The following RAB4B variants were observed in gnomAD, a reference collection of about 807,000 sequenced individuals.
The protein encoded by RAB4B is ras-related protein Rab-4B.
RAB4B carries 15 observed loss-of-function variants against 28.3 expected under a neutral mutation model. The observed-to-expected ratio is 0.53, with a 90% CI of 0.35 to 0.82. The LOEUF is 0.82. Among genes scored for constraint, RAB4B ranks in the 40% least tolerant of loss-of-function variants. The probability of loss-of-function intolerance (pLI) is 0.01; values close to 1 mark genes in which losing one functional copy is unlikely to be tolerated. For missense variants in RAB4B, 244 were observed against 288.5 expected, an observed-to-expected ratio of 0.85 and a Z score of 1.12; for synonymous variants, 108 against 116.3, an observed-to-expected ratio of 0.93 and a Z score of 0.46.
At chr19:40,785,402 T>G (rs1376221448) in intron 5 of RAB4B, 3 of 147,510 alleles carry the variant, frequency 2.0e-5, no homozygotes, top group Non-Finnish European at 4.5e-5. Context: ...TCTGGGGTAC[T>G]CAGGAGGTTG....
intron 7 of RAB4B, among the ~76,000 whole-genome samples, chr19:40,789,005 C>T (rs113557544): frequency 0.032 from 4,919 of 151,882 alleles, 106 homozygotes; most frequent in African/African-American, 0.055. Flanking sequence ...TGGTCTCGAT[C>T]TCTTGACCTT....
At position 40,786,747 on chromosome 19, in the gene RAB4B, C is replaced by T. The variant is rs1164597963; in HGVS notation, c.513C>T (p.Asn171=). The part of the protein sequence containing the change: ...AFLKCARTIL[N]KIDSGELDPE... ...TCAAGTGTGCCCGCACTATCCTCAA[C>T]AAGATTGACTCAGGTGAGGCCCCGA... Residue 171 remains asparagine (N), a synonymous_variant, in exon 6 of 8, where the codon AAC becomes AAT. Coordinates refer to ENST00000357052, the MANE Select transcript of RAB4B (RefSeq NM_016154.5). 2.5e-6 allele frequency: 4 copies of T among 1,614,014 alleles called. No individual in the cohort carries two copies. The African/African-American group carries it at 4.0e-5, about 16-fold the overall frequency.
In RAB4B at chr19:40,780,434, G is replaced by A; in HGVS notation, c.147G>A (p.Val49=). 6.2e-7 allele frequency: 1 copy of A among 1,613,652 alleles called. No homozygotes were observed. Among genetic ancestry groups the A allele is most frequent in the Non-Finnish European group, 8.5e-7 (1 of 1,179,842 alleles). The change falls in exon 3 of 8, where the codon GTG becomes GTA. Residue 49 remains valine, a synonymous_variant. Transcript: ENST00000357052. ...HTIGVEFGSR[V]VNVGGKTVKL... ...TCGGCGTGGAGTTTGGATCCCGGGTGGTCAACGTGGGTGGGAAGACTGTGA... is the reference window on the plus strand; with the variant it reads ...TCGGCGTGGAGTTTGGATCCCGGGTAGTCAACGTGGGTGGGAAGACTGTGA...
intron 5 of RAB4B, 80 bp from the exon 6 acceptor site, chr19:40,786,585 G>A (rs766645041): frequency 6.3e-7 from 1 of 1,585,178 alleles, no homozygotes; most frequent in Non-Finnish European, 8.6e-7. Context: ...TGGAGGAACA[G>A]GATGAGAGTC....
intron 7 of RAB4B, among the ~76,000 whole-genome samples, chr19:40,788,467 C>T (rs2083123466): frequency 8.6e-6 from 1 of 116,630 alleles, no homozygotes; most frequent in African/African-American, 3.5e-5. Flanking sequence ...GCCTGGGTGA[C>T]AGAGCGAGAC....
At chr19:40,782,810 CTCAA>C (rs1477624889) in intron 3 of RAB4B, among the ~76,000 whole-genome samples, 5 of 125,006 alleles carry the variant, frequency 4.0e-5, no homozygotes, top group African/African-American at 1.4e-4. Context: ...AAAACTCCAT[CTCAA>C]TCAGTCAATC....
At chr19:40,780,335 A>C (rs1314144603) in intron 2 of RAB4B, 50 bp from the exon 3 acceptor site, 1 of 1,524,438 alleles carries the variant, frequency 6.6e-7, no homozygotes, top group South Asian at 1.2e-5. Flanking sequence ...GGATCCTCTG[A>C]GCTGTCTCCT....
chr19:40,786,723 C>A lies in RAB4B; in HGVS notation c.489C>A (p.Leu163=), dbSNP rs1337938487. 26 of 1,613,992 alleles carry A rather than the reference C, an allele frequency of 1.6e-5. No homozygotes were observed. Among genetic ancestry groups the A allele is most frequent in the Non-Finnish European group, 2.0e-5 (24 of 1,180,006 alleles). The change falls in exon 6 of 8, where the codon CTC becomes CTA. Residue 163 remains leucine, a synonymous_variant. Coordinates refer to ENST00000357052, the MANE Select transcript of RAB4B (RefSeq NM_016154.5). ...LTGENVEEAF[L]KCARTILNKI... is the part of the protein sequence containing the mutation. ...GCGAGAACGTGGAGGAGGCGTTCCT[C>A]AAGTGTGCCCGCACTATCCTCAACA...
At chr19:40,783,063 G>A (rs111433826) in intron 3 of RAB4B, among the ~76,000 whole-genome samples, 2,109 of 150,116 alleles carry the variant, frequency 0.014, 65 homozygotes, top group African/African-American at 0.049. Context: ...ACTTGAACCC[G>A]GGAGGTGGAG....
rs2083184506 is a variant in RAB4B, at chr19:40,793,950, A to AAAACC, written c.*16-2616_*16-2612dup. 2.0e-5 allele frequency among the ~76,000 whole-genome samples: 3 copies of AAAACC among 151,706 alleles called. No individual in the cohort carries two copies. In the South Asian group the frequency reaches 6.2e-4, roughly 32 times the overall value. On this transcript the variant is annotated intron_variant, in intron 7 of 7. Transcript: ENST00000357052. Reference sequence around the variant, plus strand: ...CAAAAACAAAAACAAACAAACCAAAAAAACCAAAACAAAACAAAAAAACTC... The same window carrying AAAACC: ...CAAAAACAAAAACAAACAAACCAAAAAAACCAAACCAAAACAAAACAAAAAAACTC...
chr19:40,779,880 A>AT (rs2083030702), intron 1 of RAB4B, 139 bp from the exon 2 acceptor site: 1 of 1,537,872 alleles, frequency 6.5e-7, no homozygotes, highest in Non-Finnish European at 8.8e-7. Flanking sequence ...ACTGTTACCT[A>AT]TTGGTTTGTT....
chr19:40,784,859 G>C (rs986138271), intron 5 of RAB4B, among the ~76,000 whole-genome samples: 3 of 141,334 alleles, frequency 2.1e-5, no homozygotes, highest in African/African-American at 7.9e-5. Flanking sequence ...TTTTTTTTCT[G>C]AGACGGAGTC....
chr19:40,779,744 CAAAA>C (rs1211800143), intron 1 of RAB4B: 13 of 704,338 alleles, frequency 1.8e-5, no homozygotes, highest in Non-Finnish European at 2.4e-5. Flanking sequence ...AACTCTGTCT[CAAAA>C]AAACAAAAAC....
chr19:40,795,308 A>T (rs969545744), intron 7 of RAB4B, among the ~76,000 whole-genome samples: 2 of 151,992 alleles, frequency 1.3e-5, no homozygotes, highest in Non-Finnish European at 2.9e-5. Context: ...GTGAAATGAG[A>T]CTTAGAGCCA....
intron 3 of RAB4B, among the ~76,000 whole-genome samples, chr19:40,781,894 G>A (rs546831364): frequency 5.3e-5 from 8 of 152,066 alleles, no homozygotes; most frequent in Admixed American, 2.6e-4. Flanking sequence ...GGTGGCAGAC[G>A]CTGGAAGTCC....
Position 40,780,411 on chromosome 19 carries a change from G to A in RAB4B, c.124G>A (p.Gly42Ser), listed in dbSNP as rs776207470. 5.6e-6 allele frequency: 9 copies of A among 1,612,252 alleles called. No homozygotes were observed. In the Admixed American group the frequency reaches 1.2e-4, roughly 21 times the overall value. Residue 42 changes from glycine to serine, a missense_variant, in exon 3 of 8, where the codon GGC (glycine) becomes AGC (serine). Transcript: ENST00000357052. Reference protein sequence around the residue: ...KFKQDSNHTIGVEFGSRVVNV... With the variant: ...KFKQDSNHTISVEFGSRVVNV... Reference sequence around the variant, plus strand: ...CAAACAGGACTCCAACCACACAATCGGCGTGGAGTTTGGATCCCGGGTGGT... The same window carrying A: ...CAAACAGGACTCCAACCACACAATCAGCGTGGAGTTTGGATCCCGGGTGGT...
intron 7 of RAB4B, among the ~76,000 whole-genome samples, chr19:40,795,867 C>T (rs1290568944): frequency 6.6e-6 from 1 of 152,018 alleles, no homozygotes; most frequent in Non-Finnish European, 1.5e-5. Flanking sequence ...GCCACCACAC[C>T]TGGCTAATTT....
rs910086467 is a variant in RAB4B, at chr19:40,786,759, A to T, written c.525A>T (p.Ser175=). The part of the protein sequence containing the change: ...CARTILNKID[S]GELDPERMGS... Reference sequence around the variant, plus strand: ...GCACTATCCTCAACAAGATTGACTCAGGTGAGGCCCCGACCGGCCCGAGTG... The same window carrying T: ...GCACTATCCTCAACAAGATTGACTCTGGTGAGGCCCCGACCGGCCCGAGTG... The change falls in exon 6 of 8, where the codon TCA becomes TCT. Residue 175 remains serine, a splice_region_variant and synonymous_variant. Coordinates refer to ENST00000357052, the MANE Select transcript of RAB4B (RefSeq NM_016154.5). 1 of 1,614,136 alleles carries T rather than the reference A, an allele frequency of 6.2e-7. No individual in the cohort carries two copies. Among genetic ancestry groups the T allele is most frequent in the Admixed American group, 1.7e-5 (1 of 60,024 alleles).
rs563483605 is a variant in RAB4B, at chr19:40,793,479, G to C, written c.*16-3091G>C. On this transcript the variant is annotated intron_variant, in intron 7 of 7. Coordinates refer to ENST00000357052, the MANE Select transcript of RAB4B (RefSeq NM_016154.5). Reference sequence around the variant, plus strand: ...TGGTCTCGAACTCCTGAGCTCAAGTGATCCACCCACCTCAGCCTCCCAAAG... The same window carrying C: ...TGGTCTCGAACTCCTGAGCTCAAGTCATCCACCCACCTCAGCCTCCCAAAG... 4.6e-5 allele frequency among the ~76,000 whole-genome samples: 7 copies of C among 151,388 alleles called. No individual in the cohort carries two copies. In the South Asian group the frequency reaches 1.5e-3, roughly 32 times the overall value.
Sources: allele counts gnomAD v4.1 joint callset (sites outside exome capture counted in the v4.1 genomes callset), GRCh38; gene constraint gnomAD v4.1.1; transcripts MANE v1.5; gene names NCBI Gene and HGNC (gene_info 2026-07-23, HGNC 2026-07-21).